Variants in ADCY2 observed in about 807,000 individuals in gnomAD.
ADCY2 encodes the protein adenylate cyclase type 2.
Under a neutral mutation model 125.2 loss-of-function variants are expected in ADCY2, and 31 were observed. That is an observed-to-expected ratio of 0.25 (90% CI 0.19 to 0.33). ADCY2 has a LOEUF of 0.33. Among genes scored for constraint, ADCY2 ranks in the 10% least tolerant of loss-of-function variants. ADCY2 has a pLI of 1.00. For synonymous variants in ADCY2, 512 were observed against 548.4 expected, an observed-to-expected ratio of 0.93 and a Z score of 0.93; for missense variants, 904 against 1,418.2, an observed-to-expected ratio of 0.64 and a Z score of 5.82.
intron 3 of ADCY2, among the ~76,000 whole-genome samples, chr5:7,570,125 C>A (rs988862403): frequency 6.6e-6 from 1 of 151,998 alleles, no homozygotes; most frequent in Non-Finnish European, 1.5e-5. Context: ...AAGCTTTTCC[C>A]TGAATGATTA....
intron 3 of ADCY2, among the ~76,000 whole-genome samples, chr5:7,577,873 G>A (rs146289560): frequency 1.3e-5 from 2 of 152,236 alleles, no homozygotes; most frequent in East Asian, 1.9e-4. Context: ...AGAGTAAAAG[G>A]AAAGTCAAAT....
chr5:7,476,823 A>AT (rs1742543255), intron 2 of ADCY2, among the ~76,000 whole-genome samples: 1 of 152,166 alleles, frequency 6.6e-6, no homozygotes, highest in Non-Finnish European at 1.5e-5. Flanking sequence ...CTTGTTTTCT[A>AT]ATATATAAGC....
rs532283339 is a variant in ADCY2 at position 7,603,864 on chromosome 5, G to C, written c.571-22303G>C. On this transcript the variant is annotated intron_variant, in intron 3 of 24. Coordinates refer to ENST00000338316, the MANE Select transcript of ADCY2 (RefSeq NM_020546.3). ...AAGTTTTAGGGTACATGTGCACATT[G>C]TGCAGGTTAGTTACATATGTATACA... 7.2e-5 allele frequency among the ~76,000 whole-genome samples: 6 copies of C among 82,790 alleles called. No homozygotes were observed. The East Asian group carries it at 2.3e-3, about 32-fold the overall frequency. 54.3% of individuals were successfully genotyped at this position (82,790 alleles called of 152,430 possible).
chr5:7,589,745 G>T (rs1736787239), intron 3 of ADCY2, among the ~76,000 whole-genome samples: 2 of 152,054 alleles, frequency 1.3e-5, no homozygotes, highest in South Asian at 4.1e-4. Flanking sequence ...TGCTCCTCCA[G>T]GGCACAGAGA....
intron 6 of ADCY2, among the ~76,000 whole-genome samples, chr5:7,697,135 C>T (rs1047042690): frequency 2.6e-5 from 4 of 152,014 alleles, no homozygotes; most frequent in Non-Finnish European, 4.4e-5. Flanking sequence ...CACCCAATTC[C>T]AGTTCTACCT....
At chr5:7,519,588 GTTT>G (rs1744370651) in intron 2 of ADCY2, among the ~76,000 whole-genome samples, 1 of 152,050 alleles carries the variant, frequency 6.6e-6, no homozygotes. Context: ...GAAAATGATC[GTTT>G]TTTATTACCT....
intron 16 of ADCY2, among the ~76,000 whole-genome samples, chr5:7,758,394 T>C (rs1743086266): frequency 6.6e-6 from 1 of 152,220 alleles, no homozygotes; most frequent in South Asian, 2.1e-4. Context: ...GGAGATCTGA[T>C]GCTTCCTGTA....
At chr5:7,766,033 G>A (rs545032850) in intron 16 of ADCY2, among the ~76,000 whole-genome samples, 1 of 152,172 alleles carries the variant, frequency 6.6e-6, no homozygotes, top group African/African-American at 2.4e-5. Flanking sequence ...TGCTTATATT[G>A]GTGACCATTA....
chr5:7,583,141 G>T (rs1006680928), intron 3 of ADCY2, among the ~76,000 whole-genome samples: 2 of 151,692 alleles, frequency 1.3e-5, no homozygotes, highest in Non-Finnish European at 2.9e-5. Flanking sequence ...TTTAAGAAAA[G>T]ACAAATTAGA....
intron 4 of ADCY2, among the ~76,000 whole-genome samples, chr5:7,657,809 C>G (rs1739390323): frequency 6.6e-6 from 1 of 152,162 alleles, no homozygotes. Flanking sequence ...CAATCCAGAC[C>G]TTTACTTTTC....
rs141886153 is a variant in ADCY2 at position 7,709,221 on chromosome 5, G to A, written c.1412G>A (p.Arg471Gln). 3.2e-5 allele frequency: 52 copies of A among 1,609,530 alleles called. No homozygotes were observed. Among genetic ancestry groups the A allele is most frequent in the African/African-American group, 3.2e-4 (24 of 74,846 alleles). ...GTTTCTCACCCCAAGGGAGAACGAC[G>A]GAGCCCCCAGCATCTCTTCAGACCT... is the stretch of plus-strand genomic sequence containing the variant. ...YFVINPKGER[R>Q]SPQHLFRPRH... The change falls in exon 10 of 25, where the codon CGG becomes CAG. Residue 471 changes from arginine (R) to glutamine (Q), a missense_variant. This residue lies in a region of ADCY2 where 144 missense variants were observed against 227.7 expected (regional missense o/e 0.63). Coordinates refer to ENST00000338316, the MANE Select transcript of ADCY2 (RefSeq NM_020546.3). The surrounding 1 kb of genome is among the most constrained non-coding windows in gnomAD (Gnocchi z 4.4).
At chr5:7,769,722 A>G (rs1743501764) in intron 17 of ADCY2, among the ~76,000 whole-genome samples, 1 of 152,138 alleles carries the variant, frequency 6.6e-6, no homozygotes, top group Non-Finnish European at 1.5e-5. Context: ...TCCAAAAATG[A>G]CCCTGGTGAA....
At chr5:7,585,203 A>G (rs1736589272) in intron 3 of ADCY2, among the ~76,000 whole-genome samples, 1 of 152,098 alleles carries the variant, frequency 6.6e-6, no homozygotes, top group African/African-American at 2.4e-5. Context: ...TCTACGTGGC[A>G]ATTTCAATTT....
intron 4 of ADCY2, among the ~76,000 whole-genome samples, chr5:7,669,497 G>A (rs1039843246): frequency 1.3e-5 from 2 of 152,172 alleles, no homozygotes; most frequent in African/African-American, 2.4e-5. Context: ...CCCTGGCCAA[G>A]GAATTTACGT....
At chr5:7,653,404 C>T (rs1159561438) in intron 4 of ADCY2, among the ~76,000 whole-genome samples, 2 of 152,072 alleles carry the variant, frequency 1.3e-5, no homozygotes, top group Non-Finnish European at 2.9e-5. Flanking sequence ...GAGTAAAAAA[C>T]GTGAAGACGG....
At chr5:7,638,852 T>C (rs1166872586) in intron 4 of ADCY2, among the ~76,000 whole-genome samples, 1 of 152,182 alleles carries the variant, frequency 6.6e-6, no homozygotes, top group Middle Eastern at 3.2e-3. Flanking sequence ...GTAGCTCCCA[T>C]AATTCCCATG....
At position 7,757,465 on chromosome 5, in the gene ADCY2, C is replaced by G; in HGVS notation, c.1973C>G (p.Ala658Gly). 5 of 1,613,938 alleles carry G rather than the reference C, an allele frequency of 3.1e-6. No individual in the cohort carries two copies. Among genetic ancestry groups the G allele is most frequent in the Non-Finnish European group, 4.2e-6 (5 of 1,179,908 alleles). Residue 658 changes from alanine to glycine, a missense_variant, in exon 16 of 25, where the codon GCC becomes GGC. By Grantham distance (60) the Ala-to-Gly change is moderately conservative. Around this residue, in one of 7 missense-constraint regions of ADCY2, gnomAD observed 221 missense variants for 246.2 expected, o/e 0.90. Coordinates refer to ENST00000338316, the MANE Select transcript of ADCY2 (RefSeq NM_020546.3). ...TTCTCCTAGCAATGCAGCAAAAAAG[C>G]CTCTCCCCTGCTCATGTGGCTTTTG... ...AGQLLQCSKK[A>G]SPLLMWLLKS...
intron 3 of ADCY2, among the ~76,000 whole-genome samples, chr5:7,582,697 C>T (rs912963697): frequency 6.6e-6 from 1 of 152,068 alleles, no homozygotes; most frequent in African/African-American, 2.4e-5. Context: ...GTGATTAAAA[C>T]ACTCAGTAGT....
intron 3 of ADCY2, among the ~76,000 whole-genome samples, chr5:7,559,469 C>G (rs1485188224): frequency 6.6e-6 from 1 of 152,070 alleles, no homozygotes; most frequent in African/African-American, 2.4e-5. Flanking sequence ...TGATTTGGCT[C>G]TCAGCTTGAC....
Sources: gnomAD v4.1 joint callset for allele counts (sites outside exome capture counted in the v4.1 genomes callset) on GRCh38, gnomAD v4.1.1 for gene constraint, gnomAD v4.1.1 regional missense constraint, Gnocchi (gnomAD v3.1) non-coding constraint, MANE v1.5 for transcripts, NCBI Gene and HGNC (gene_info 2026-07-23, HGNC 2026-07-21) for gene names.